The following PCDH7 variants were observed in gnomAD, a reference collection of about 807,000 sequenced individuals.
PCDH7 encodes protocadherin-7.
Under a neutral mutation model 58.9 loss-of-function variants are expected in PCDH7, and 17 were observed. That is an observed-to-expected ratio of 0.29 (90% CI 0.20 to 0.43). The LOEUF (loss-of-function observed/expected upper bound fraction) is 0.43, where lower values mean the gene tolerates loss of function less well. Ranked by LOEUF, PCDH7 falls within the 20% of genes least tolerant of loss-of-function variation. The probability of loss-of-function intolerance (pLI) is 1.00; values close to 1 mark genes in which losing one functional copy is unlikely to be tolerated. For synonymous variants in PCDH7, 664 were observed against 616.4 expected (o/e 1.08, Z -1.14); for missense variants, 1,274 against 1,441.0 (o/e 0.88, Z 1.88).
chr4:30,735,003 A>G (rs1239546625), downstream of PCDH7, among the ~76,000 whole-genome samples: 1 of 151,848 alleles, frequency 6.6e-6, no homozygotes, highest in Non-Finnish European at 1.5e-5. Context: ...CAATTCTCTG[A>G]TCTCCCCGCT....
Position 30,721,989 on chromosome 4 carries a change from C to T in PCDH7, c.567C>T (p.Gly189=). The change falls in exon 1 of 2, where the codon GGC becomes GGT. Residue 189 remains glycine, a synonymous_variant. Transcript: ENST00000361762. This position sits in a 1 kb window ranked among gnomAD's most constrained non-coding sequence, Gnocchi z 6.7. ...AGCTGCTCCAGGAGCCCGGAGGCGGCGGCAGCGGCGGCGAGAGCCGGCGCG... is the reference window on the plus strand; with the variant it reads ...AGCTGCTCCAGGAGCCCGGAGGCGGTGGCAGCGGCGGCGAGAGCCGGCGCG... The T allele has an allele frequency of 2.0e-5, 26 of 1,300,090 alleles. No individual in the cohort carries two copies. Among genetic ancestry groups the T allele is most frequent in the Non-Finnish European group, 2.4e-5 (25 of 1,026,124 alleles). 80.5% of individuals were successfully genotyped at this position (1,300,090 alleles called of 1,614,324 possible).
intron 1 of PCDH7, among the ~76,000 whole-genome samples, chr4:30,846,693 A>G (rs1209187139): frequency 6.6e-6 from 1 of 152,152 alleles, no homozygotes; most frequent in Non-Finnish European, 1.5e-5. Flanking sequence ...AATATCAACT[A>G]AAAAGAATTG....
At chr4:30,885,775 T>A (rs1737646669) in intron 1 of PCDH7, among the ~76,000 whole-genome samples, 1 of 152,002 alleles carries the variant, frequency 6.6e-6, no homozygotes, top group South Asian at 2.1e-4. Flanking sequence ...AAAACAGAGA[T>A]ATAGATCAAT....
At chr4:30,822,925 C>T (rs1728558530) in intron 1 of PCDH7, among the ~76,000 whole-genome samples, 1 of 152,022 alleles carries the variant, frequency 6.6e-6, no homozygotes, top group African/African-American at 2.4e-5. Flanking sequence ...TCATTTGCAG[C>T]GTTTTGCGTT....
At chr4:31,077,409 CAAAAAAA>C (rs36096768) in intron 3 of PCDH7, among the ~76,000 whole-genome samples, 5,788 of 87,998 alleles carry the variant, frequency 0.066, 391 homozygotes, top group East Asian at 0.38. Context: ...AACTCCATCT[CAAAAAAA>C]AAAAAAAAGA....
Position 30,764,750 on chromosome 4 carries a change from C to A in PCDH7, c.70+40154C>A, listed in dbSNP as rs950220108. Among the ~76,000 whole-genome samples the A allele has an allele frequency of 3.9e-5, 6 of 152,068 alleles. No homozygotes were observed. In the South Asian group the frequency reaches 1.0e-3, roughly 26 times the overall value. On this transcript the variant is annotated intron_variant, in intron 1 of 3. Coordinates refer to the PCDH7 transcript ENST00000509759. ...GTTTGTTTGTTTGTTTTGACAGAGA[C>A]TTGCTCTGTCACCAGGCTGGAGCAC...
chr4:30,793,110 C>T (rs1474094598), intron 1 of PCDH7, among the ~76,000 whole-genome samples: 1 of 152,070 alleles, frequency 6.6e-6, no homozygotes, highest in Non-Finnish European at 1.5e-5. Flanking sequence ...GATGAACAGT[C>T]ACATAAACGC....
intron 3 of PCDH7, among the ~76,000 whole-genome samples, chr4:31,115,373 T>C (rs1578837336): frequency 2.6e-5 from 4 of 152,214 alleles, no homozygotes; most frequent in East Asian, 1.9e-4. Context: ...CTCTAAGATA[T>C]TCAACTGAGG....
intron 3 of PCDH7, among the ~76,000 whole-genome samples, chr4:31,136,373 T>G (rs1719605651): frequency 1.3e-5 from 2 of 152,302 alleles, no homozygotes; most frequent in African/African-American, 4.8e-5. Flanking sequence ...TCACACAGCT[T>G]CTACGTGGTT....
At chr4:30,790,338 A>C (rs867675086) in intron 1 of PCDH7, among the ~76,000 whole-genome samples, 1 of 152,196 alleles carries the variant, frequency 6.6e-6, no homozygotes, top group East Asian at 1.9e-4. Flanking sequence ...TGAGATACAC[A>C]GAGTTTCAGT....
chr4:30,790,795 G>A (rs1724013774), intron 1 of PCDH7, among the ~76,000 whole-genome samples: 1 of 151,946 alleles, frequency 6.6e-6, no homozygotes, highest in African/African-American at 2.4e-5. Context: ...GTGGTGGCAG[G>A]TGCCTGTAGT....
chr4:31,089,654 C>T (rs1040100486), intron 3 of PCDH7, among the ~76,000 whole-genome samples: 21 of 152,082 alleles, frequency 1.4e-4, no homozygotes, highest in African/African-American at 3.6e-4. Flanking sequence ...GACATATTTA[C>T]GTATGTTTTC....
intron 1 of PCDH7, among the ~76,000 whole-genome samples, chr4:30,857,296 G>A (rs1733591989): frequency 6.6e-6 from 1 of 152,012 alleles, no homozygotes; most frequent in South Asian, 2.1e-4. Flanking sequence ...AGACTGTCTG[G>A]ATGCTGTTCT....
chr4:31,008,469 C>T (rs1436244788), intron 3 of PCDH7, among the ~76,000 whole-genome samples: 2 of 151,992 alleles, frequency 1.3e-5, no homozygotes, highest in Non-Finnish European at 2.9e-5. Flanking sequence ...TGAATTAATC[C>T]TCAGGATGAA....
intron 1 of PCDH7, among the ~76,000 whole-genome samples, chr4:30,828,169 T>G (rs908324858): frequency 6.6e-6 from 1 of 152,084 alleles, no homozygotes; most frequent in Non-Finnish European, 1.5e-5. Context: ...ATTGTTAGTT[T>G]TGAGAGGATA....
chr4:30,745,929 T>C (rs1474625330), intron 1 of PCDH7, among the ~76,000 whole-genome samples: 2 of 152,272 alleles, frequency 1.3e-5, no homozygotes, highest in East Asian at 3.9e-4. Context: ...AACCTCTGCC[T>C]CCCAGGTTCA....
At chr4:31,080,651 A>G (rs952416712) in intron 3 of PCDH7, among the ~76,000 whole-genome samples, 1 of 152,220 alleles carries the variant, frequency 6.6e-6, no homozygotes, top group African/African-American at 2.4e-5. Context: ...GGAAACATCT[A>G]TAGCACAGTT....
chr4:30,998,630 G>A (rs1691585756), intron 3 of PCDH7, among the ~76,000 whole-genome samples: 1 of 152,106 alleles, frequency 6.6e-6, no homozygotes, highest in African/African-American at 2.4e-5. Context: ...CAGCAACCAT[G>A]TTTTCACAAG....
intron 1 of PCDH7, among the ~76,000 whole-genome samples, chr4:30,753,861 G>C (rs1343987154): frequency 1.3e-5 from 2 of 152,054 alleles, no homozygotes; most frequent in African/African-American, 4.8e-5. Context: ...AATATGGAAT[G>C]ATATTGGAAG....
Sources: allele counts gnomAD v4.1 joint callset (sites outside exome capture counted in the v4.1 genomes callset), GRCh38; gene constraint gnomAD v4.1.1; non-coding constraint Gnocchi (gnomAD v3.1); transcripts MANE v1.5; gene names NCBI Gene and HGNC (gene_info 2026-07-23, HGNC 2026-07-21).